The following MTBP variants were observed in gnomAD, a reference collection of about 807,000 sequenced individuals.
MTBP encodes mdm2-binding protein.
In MTBP, 101 loss-of-function variants were observed where a neutral mutation model predicts 117.0. The ratio of observed to expected loss-of-function variants is 0.86; its 90% CI spans 0.73 to 1.02. The LOEUF (loss-of-function observed/expected upper bound fraction) is 1.02, where lower values mean the gene tolerates loss of function less well. Among genes scored for constraint, MTBP ranks in the 50% least tolerant of loss-of-function variants. The pLI is 0.00. For synonymous variants in MTBP, 350 were observed against 351.5 expected (o/e 1.00, Z 0.05); for missense variants, 970 against 1,030.9 (o/e 0.94, Z 0.81).
intron 11 of MTBP, chr8:120,471,782 G>A (rs1489484120): frequency 2.6e-5 from 4 of 152,000 alleles, no homozygotes; most frequent in Admixed American, 6.6e-5. Context: ...CAGAACCTAC[G>A]GCTCTGTCAC....
intron 13 of MTBP, among the ~76,000 whole-genome samples, chr8:120,495,041 C>T (rs1183642053): frequency 6.6e-6 from 1 of 151,908 alleles, no homozygotes; most frequent in East Asian, 1.9e-4. Flanking sequence ...TTCCTCTTTT[C>T]TTCTTTCAGA....
Position 120,502,476 on chromosome 8 carries a change from AT to A in MTBP, c.1610-13del. On this transcript the variant is annotated splice_polypyrimidine_tract_variant and intron_variant, in intron 14 of 21. Transcript: ENST00000305949. ...GATAATACTTTTCAGACTTATGTGTATTTCTTTCACTTTAGATTTTAGTCCA... is the reference window on the plus strand; with the variant it reads ...GATAATACTTTTCAGACTTATGTGTATTCTTTCACTTTAGATTTTAGTCCA... The A allele has an allele frequency of 1.3e-6, 2 of 1,509,280 alleles. No individual in the cohort carries two copies. The highest frequency in any genetic ancestry group is 1.8e-6 in the Non-Finnish European group (2 of 1,106,642). 93.5% of individuals were successfully genotyped at this position (1,509,280 alleles called of 1,614,324 possible). A position where few individuals can be genotyped will look rare whatever the true frequency, so the allele number is the denominator to read the frequency against.
intron 14 of MTBP, 135 bp downstream of exon 14, chr8:120,497,689 G>T: frequency 3.4e-6 from 2 of 588,094 alleles, no homozygotes; most frequent in Non-Finnish European, 2.9e-6. Flanking sequence ...TACTTATATA[G>T]ATACAAGTAT....
At chr8:120,514,173 C>T (rs773733686) in intron 17 of MTBP, among the ~76,000 whole-genome samples, 1 of 151,796 alleles carries the variant, frequency 6.6e-6, no homozygotes, top group Non-Finnish European at 1.5e-5. Flanking sequence ...GCCAGGCAAA[C>T]TAACATAACC....
rs776444575 is a variant in MTBP, at chr8:120,461,238, G to C, written c.960G>C (p.Ser320=). ...CAGATCTACCCTCCTGCTATATGTCGGATATTGAATTTGAGTTGTATCCTT... is the reference window on the plus strand; with the variant it reads ...CAGATCTACCCTCCTGCTATATGTCCGATATTGAATTTGAGTTGTATCCTT... The part of the protein sequence containing the change: ...KLSDLPSCYM[S]DIEFELGLTN... The change falls in exon 9 of 22, where the codon TCG becomes TCC. Residue 320 remains serine (S), a synonymous_variant. Transcript: ENST00000305949. 6.3e-7 allele frequency: 1 copy of C among 1,595,012 alleles called. No homozygotes were observed. Among genetic ancestry groups the C allele is most frequent in the South Asian group, 1.1e-5 (1 of 90,442 alleles).
intron 13 of MTBP, among the ~76,000 whole-genome samples, chr8:120,494,853 TTA>T (rs1212983000): frequency 6.6e-6 from 1 of 152,206 alleles, no homozygotes; most frequent in Admixed American, 6.5e-5. Context: ...CAGAACATTG[TTA>T]TGTTTTTCCA....
chr8:120,472,061 T>C (rs1006164550), intron 11 of MTBP: 2 of 152,226 alleles, frequency 1.3e-5, no homozygotes, highest in Admixed American at 6.5e-5. Context: ...GTTTACTTTT[T>C]TTTTAGCTTA....
rs529338003 is a variant in MTBP at position 120,510,861 on chromosome 8, G to C, written c.1979+832G>C. ...GGAGATTGAGGCTGCAGTGAGCCAT[G>C]AACATGCCACTGCACTCCTGCTGGG... On this transcript the variant is annotated intron_variant, in intron 17 of 21. Transcript: ENST00000305949. 8.6e-5 allele frequency among the ~76,000 whole-genome samples: 13 copies of C among 151,420 alleles called. 1 individual carries two copies. In the South Asian group the frequency reaches 2.3e-3, roughly 27 times the overall value.
rs1489060794 is a variant in MTBP, at chr8:120,521,410, G to C, written c.2611-1244G>C. ...CTGCCTATTTACAATCAAAAATTGT[G>C]GTACAACTGTTCTTCAAAGGAAGAG... On this transcript the variant is annotated intron_variant, in intron 20 of 21. Coordinates refer to ENST00000305949, the MANE Select transcript of MTBP (RefSeq NM_022045.5). Among the ~76,000 whole-genome samples, 74 of 152,092 alleles carry C rather than the reference G, an allele frequency of 4.9e-4. 1 individual carries two copies. The highest frequency in any genetic ancestry group is 1.0e-4 in the Non-Finnish European group (7 of 68,002).
intron 11 of MTBP, among the ~76,000 whole-genome samples, chr8:120,486,359 AG>A (rs1404268245): frequency 1.3e-5 from 2 of 152,230 alleles, no homozygotes; most frequent in Non-Finnish European, 2.9e-5. Flanking sequence ...AAAATCTCTG[AG>A]CCACTACTTC....
At chr8:120,482,330 C>T (rs1289590406) in intron 11 of MTBP, among the ~76,000 whole-genome samples, 1 of 152,170 alleles carries the variant, frequency 6.6e-6, no homozygotes, top group Non-Finnish European at 1.5e-5. Context: ...ACTACTACTT[C>T]CTTATTGTAT....
chr8:120,469,563 C>T (rs972257855), intron 10 of MTBP, among the ~76,000 whole-genome samples: 2 of 152,260 alleles, frequency 1.3e-5, no homozygotes, highest in South Asian at 2.1e-4. Flanking sequence ...ACTGCATGTT[C>T]GTTAGCAGTT....
intron 2 of MTBP, among the ~76,000 whole-genome samples, 198 bp from the exon 3 acceptor site, chr8:120,450,805 G>C (rs1813322478): frequency 6.6e-6 from 1 of 152,134 alleles, no homozygotes; most frequent in Admixed American, 6.5e-5. Flanking sequence ...AGTATTTATT[G>C]TGAGTAAAGA....
At chr8:120,516,227 A>G (rs1436878719) in intron 18 of MTBP, 36 bp downstream of exon 18, 1 of 1,489,672 alleles carries the variant, frequency 6.7e-7, no homozygotes, top group East Asian at 2.3e-5. Flanking sequence ...GTATATTGAC[A>G]GAAAGTATTT....
At chr8:120,513,941 T>G (rs1296392764) in intron 17 of MTBP, among the ~76,000 whole-genome samples, 1 of 151,912 alleles carries the variant, frequency 6.6e-6, no homozygotes, top group Non-Finnish European at 1.5e-5. Flanking sequence ...AGACCTAGGT[T>G]CTACTCCCTA....
In MTBP at chr8:120,490,499, C is replaced by A; in HGVS notation, c.1376C>A (p.Ser459Tyr). Residue 459 changes from serine (S) to tyrosine (Y), a missense_variant, in exon 13 of 22, where the codon TCT becomes TAT. Ser to Tyr is a moderately radical substitution (Grantham distance 144). Coordinates refer to ENST00000305949, the MANE Select transcript of MTBP (RefSeq NM_022045.5). ...PFDLLSLPHF[S>Y]GEQIVQREKQ... is the part of the protein sequence containing the mutation. Reference sequence around the variant, plus strand: ...GACTTATTATCACTTCCACATTTTTCTGGGGAGCAGATTGTACAGAGAGAG... The same window carrying A: ...GACTTATTATCACTTCCACATTTTTATGGGGAGCAGATTGTACAGAGAGAG... The A allele has an allele frequency of 1.2e-6, 2 of 1,602,068 alleles. No individual in the cohort carries two copies. Among genetic ancestry groups the A allele is most frequent in the Non-Finnish European group, 1.7e-6 (2 of 1,176,336 alleles).
intron 10 of MTBP, among the ~76,000 whole-genome samples, chr8:120,469,276 C>T (rs1434530906): frequency 1.8e-4 from 27 of 151,878 alleles, no homozygotes; most frequent in Admixed American, 1.8e-3. Context: ...GAACTCCTGA[C>T]CTCAGGTGAT....
intron 11 of MTBP, among the ~76,000 whole-genome samples, chr8:120,487,196 G>T (rs960707072): frequency 6.6e-6 from 1 of 152,120 alleles, no homozygotes; most frequent in Admixed American, 6.6e-5. Context: ...GGATCAGAAG[G>T]CCTGTTTCTC....
intron 13 of MTBP, among the ~76,000 whole-genome samples, chr8:120,497,015 T>C (rs1004592564): frequency 6.6e-6 from 1 of 152,236 alleles, no homozygotes; most frequent in Admixed American, 6.5e-5. Context: ...TGATTTTAGG[T>C]TTTGAGAAGA....
Sources: allele counts gnomAD v4.1 joint callset (sites outside exome capture counted in the v4.1 genomes callset), GRCh38; gene constraint gnomAD v4.1.1; transcripts MANE v1.5; gene names NCBI Gene and HGNC (gene_info 2026-07-23, HGNC 2026-07-21).